MPP2: variants seen among roughly 807,000 people sequenced by gnomAD.
MPP2 encodes the protein MAGUK p55 subfamily member 2.
Under a neutral mutation model 58.5 loss-of-function variants are expected in MPP2, and 42 were observed. The ratio of observed to expected loss-of-function variants is 0.72; its 90% CI spans 0.56 to 0.93. The LOEUF (loss-of-function observed/expected upper bound fraction) is 0.93. Among genes scored for constraint, MPP2 ranks in the 40% least tolerant of loss-of-function variants. MPP2 has a pLI of 0.00. For missense variants in MPP2, 632 were observed against 760.4 expected (o/e 0.83, Z 1.99); for synonymous variants, 300 against 307.8 (o/e 0.97, Z 0.26).
intron 6 of MPP2, 84 bp downstream of exon 6, chr17:43,882,200 G>A: frequency 7.7e-7 from 1 of 1,291,342 alleles, no homozygotes. Flanking sequence ...ACCAGTAGGA[G>A]AGGAGGGCCT....
chr17:43,882,710 G>A (rs997780889), intron 5 of MPP2, among the ~76,000 whole-genome samples, 193 bp downstream of exon 5: 3 of 151,712 alleles, frequency 2.0e-5, no homozygotes, highest in Admixed American at 6.6e-5. Flanking sequence ...GGAGAGGTGC[G>A]GACACAGGTG....
intron 3 of MPP2, among the ~76,000 whole-genome samples, chr17:43,896,081 C>T (rs1021421512): frequency 1.3e-5 from 2 of 152,162 alleles, no homozygotes; most frequent in Non-Finnish European, 2.9e-5. Flanking sequence ...CATGCCAGGG[C>T]CAGCCATAGC....
chr17:43,892,681 C>T (rs893480067), intron 3 of MPP2, among the ~76,000 whole-genome samples: 15 of 152,062 alleles, frequency 9.9e-5, no homozygotes, highest in African/African-American at 3.4e-4. Flanking sequence ...GGGGAAGAAA[C>T]GTCCATACTC....
Position 43,881,147 on chromosome 17 carries a change from C to G in MPP2, c.931G>C (p.Gly311Arg), listed in dbSNP as rs200915083. The G allele has an allele frequency of 2.5e-6, 4 of 1,613,784 alleles. No individual in the cohort carries two copies. In the East Asian group the frequency reaches 6.7e-5, roughly 27 times the overall value. The change falls in exon 9 of 13, where the codon GGC (glycine) becomes CGC (arginine). Residue 311 changes from glycine (G) to arginine (R), a missense_variant. Transcript: ENST00000269095. The part of the protein sequence containing the change: ...ELTPNSGTLC[G>R]SLSGKKKKRM... ...TTCTTTTTCTTTCCTGAAAGGCTGC[C>G]GCATAGGGTCCCTGGCCATAGGGAG...
intron 5 of MPP2, 118 bp downstream of exon 5, chr17:43,882,785 C>T: frequency 6.8e-7 from 1 of 1,463,888 alleles, no homozygotes; most frequent in Non-Finnish European, 9.4e-7. Context: ...TCCTTCCCTG[C>T]ACAAAGCTGG....
intron 3 of MPP2, among the ~76,000 whole-genome samples, chr17:43,890,775 G>A (rs1490800758): frequency 6.6e-6 from 1 of 151,960 alleles, no homozygotes; most frequent in Non-Finnish European, 1.5e-5. Flanking sequence ...TGTGAAGGTG[G>A]CTGAGGATGA....
In MPP2 at chr17:43,881,077, C is replaced by A; in HGVS notation, c.988+13G>T. The A allele has an allele frequency of 6.2e-7, 1 of 1,613,662 alleles. No individual in the cohort carries two copies. On this transcript the variant is annotated intron_variant, in intron 9 of 12. Transcript: ENST00000269095. The stretch of plus-strand genomic sequence containing the variant: ...TTAGAGGAGGGTAAGGGAGGGGGCG[C>A]TCTGATACCCACCTGCATTCTTGGT...
At chr17:43,898,808 T>C (rs551719803) in intron 2 of MPP2, among the ~76,000 whole-genome samples, 9 of 152,136 alleles carry the variant, frequency 5.9e-5, no homozygotes, top group African/African-American at 2.2e-4. Context: ...CTACTAAAAA[T>C]ACCAAAATTA....
At position 43,879,994 on chromosome 17, in the gene MPP2, TG is replaced by T. The variant is rs776705136; in HGVS notation, c.1151-11del. Reference sequence around the variant, plus strand: ...GGCCGCCGGGAGGTGTCTAGGGGGATGGGGGTAGGTTGGACCAAATGGGCAG... The same window carrying T: ...GGCCGCCGGGAGGTGTCTAGGGGGATGGGGTAGGTTGGACCAAATGGGCAG... On this transcript the variant is annotated splice_polypyrimidine_tract_variant and intron_variant, in intron 10 of 12. Transcript: ENST00000269095. The surrounding 1 kb of genome is among the most constrained non-coding windows in gnomAD (Gnocchi z 4.1). 13 of 1,613,862 alleles carry T rather than the reference TG, an allele frequency of 8.1e-6. No individual in the cohort carries two copies. In the South Asian group the frequency reaches 1.3e-4, roughly 16 times the overall value.
chr17:43,890,033 C>T (rs1026855265), intron 3 of MPP2, among the ~76,000 whole-genome samples: 19 of 151,286 alleles, frequency 1.3e-4, no homozygotes, highest in African/African-American at 4.1e-4. Context: ...AGGATGGTCT[C>T]GATCTCCTGA....
chr17:43,882,271 GTGAGGGGCCC>G lies in MPP2; in HGVS notation c.681+3_681+12del. The G allele has an allele frequency of 6.2e-7, 1 of 1,605,134 alleles. No individual in the cohort carries two copies. The highest frequency in any genetic ancestry group is 1.3e-5 in the African/African-American group (1 of 75,022). ...AGCCATCCCTTGGGCCTTGTGCTGG[GTGAGGGGCCC>G]ACCTGGCGGGGCAGATGGGGCTCCT... On this transcript the variant is annotated splice_donor_5th_base_variant and intron_variant, in intron 6 of 12. Coordinates refer to ENST00000269095, the MANE Select transcript of MPP2 (RefSeq NM_005374.5).
intron 3 of MPP2, among the ~76,000 whole-genome samples, chr17:43,896,019 T>C (rs575383838): frequency 6.6e-6 from 1 of 152,298 alleles, no homozygotes; most frequent in East Asian, 1.9e-4. Flanking sequence ...AAGGACATGG[T>C]GTCCCCTGCA....
At chr17:43,902,527 G>A (rs545908029) in intron 2 of MPP2, among the ~76,000 whole-genome samples, 21 of 152,228 alleles carry the variant, frequency 1.4e-4, no homozygotes, top group Non-Finnish European at 2.8e-4. Context: ...GACAGGAGAT[G>A]GGGGACTGAG....
chr17:43,891,286 G>A (rs898223287), intron 3 of MPP2, among the ~76,000 whole-genome samples: 3 of 152,158 alleles, frequency 2.0e-5, no homozygotes, highest in African/African-American at 7.2e-5. Context: ...GGAGGAGGCC[G>A]AGGTGGGTGG....
upstream of MPP2, among the ~76,000 whole-genome samples, chr17:43,909,337 A>G (rs2048381786): frequency 6.6e-6 from 1 of 152,118 alleles, no homozygotes; most frequent in Admixed American, 6.6e-5. Flanking sequence ...AAGTGCTGGG[A>G]TTGCAGGCAT....
At position 43,880,538 on chromosome 17, in the gene MPP2, A is replaced by G. The variant is rs563774073; in HGVS notation, c.1150+153T>C. Among the ~76,000 whole-genome samples the G allele has an allele frequency of 1.3e-5, 2 of 152,118 alleles. No individual in the cohort carries two copies. Among genetic ancestry groups the G allele is most frequent in the Non-Finnish European group, 2.9e-5 (2 of 67,998 alleles). On this transcript the variant is annotated intron_variant, in intron 10 of 12. Coordinates refer to ENST00000269095, the MANE Select transcript of MPP2 (RefSeq NM_005374.5). The surrounding 1 kb of genome is among the most constrained non-coding windows in gnomAD (Gnocchi z 5.2). Reference sequence around the variant, plus strand: ...CCCTTCCTGAGCCTGAAGTTCCCCTAACCACCCACAGAGGGCGTGCACCCC... The same window carrying G: ...CCCTTCCTGAGCCTGAAGTTCCCCTGACCACCCACAGAGGGCGTGCACCCC...
At position 43,881,518 on chromosome 17, in the gene MPP2, C is replaced by T. The variant is rs751300038; in HGVS notation, c.753G>A (p.Leu251=). The T allele has an allele frequency of 1.9e-6, 3 of 1,614,012 alleles. No individual in the cohort carries two copies. Among genetic ancestry groups the T allele is most frequent in the African/African-American group, 2.7e-5 (2 of 74,930 alleles). Residue 251 remains leucine, a synonymous_variant, in exon 7 of 13, where the codon CTG becomes CTA. Coordinates refer to ENST00000269095, the MANE Select transcript of MPP2 (RefSeq NM_005374.5). The stretch of plus-strand genomic sequence containing the variant: ...GGAGCAAGTCCCCGGCGTTGAAGCG[C>T]AGGCCTGCTTCCTTGCAGGGGATGA... The part of the protein sequence containing the change: ...DSLIPCKEAG[L]RFNAGDLLQI...
chr17:43,883,449 C>A, intron 3 of MPP2, 94 bp from the exon 4 acceptor site: 1 of 1,388,992 alleles, frequency 7.2e-7, no homozygotes, highest in Non-Finnish European at 9.6e-7. Flanking sequence ...GGCATTTTCC[C>A]CATCCCACCC....
chr17:43,878,717 AG>A (rs904997818), intron 12 of MPP2, among the ~76,000 whole-genome samples: 18 of 152,282 alleles, frequency 1.2e-4, no homozygotes, highest in African/African-American at 4.1e-4. Flanking sequence ...TGGCCAGCAG[AG>A]GGACCCCTGC....
Sources: allele counts gnomAD v4.1 joint callset (sites outside exome capture counted in the v4.1 genomes callset), GRCh38; gene constraint gnomAD v4.1.1; non-coding constraint Gnocchi (gnomAD v3.1); transcripts MANE v1.5; gene names NCBI Gene and HGNC (gene_info 2026-07-23, HGNC 2026-07-21).